Variants in TULP4 observed in about 807,000 individuals in gnomAD.
TULP4 encodes tubby-related protein 4.
In TULP4, 16 loss-of-function variants were observed where a neutral mutation model predicts 129.0. The observed-to-expected ratio is 0.12, with a 90% CI of 0.08 to 0.19. The LOEUF is 0.19. Among genes scored for constraint, TULP4 ranks in the 10% least tolerant of loss-of-function variants. The probability of loss-of-function intolerance (pLI) is 1.00; values close to 1 mark genes in which losing one functional copy is unlikely to be tolerated. For synonymous variants in TULP4, 998 were observed against 854.0 expected (o/e 1.17, Z -2.94); for missense variants, 1,842 against 2,059.1 (o/e 0.89, Z 2.04).
At chr6:158,363,546 C>T (rs1326005433) in intron 1 of TULP4, among the ~76,000 whole-genome samples, 2 of 152,146 alleles carry the variant, frequency 1.3e-5, no homozygotes, top group African/African-American at 4.8e-5. Context: ...TGCAGTGGCA[C>T]GATCTTGGCT....
Position 158,241,255 on chromosome 6 carries a change from T to C in TULP4, n.68+8952T>C, listed in dbSNP as rs1311924527. Among the ~76,000 whole-genome samples the C allele has an allele frequency of 3.3e-5, 4 of 122,612 alleles. 1 individual carries two copies. The highest frequency in any genetic ancestry group is 5.5e-5 in the Non-Finnish European group (3 of 54,500). 80.4% of individuals were successfully genotyped at this position (122,612 alleles called of 152,430 possible). A position where few individuals can be genotyped will look rare whatever the true frequency, so the allele number is the denominator to read the frequency against. ...GCGGCCGGGCGGAGACGCTCCTCAC[T>C]TTCCAGACTGGGCAGCCAGGCAGAG... On this transcript the variant is annotated intron_variant and non_coding_transcript_variant, in intron 1 of 1. Coordinates refer to the TULP4 transcript ENST00000620026.
rs535899926 is a variant in TULP4 at position 158,387,864 on chromosome 6, A to T, written c.253-25201A>T. Among the ~76,000 whole-genome samples the T allele has an allele frequency of 5.9e-5, 9 of 152,304 alleles. No individual in the cohort carries two copies. The East Asian group carries it at 1.2e-3, about 20-fold the overall frequency. On this transcript the variant is annotated intron_variant, in intron 1 of 13. Transcript: ENST00000367097. ...CTGCCTCTTAAGATTATTATCTCTAATTTTTTACATTTCCTCTCTTAATTC... is the reference window on the plus strand; with the variant it reads ...CTGCCTCTTAAGATTATTATCTCTATTTTTTTACATTTCCTCTCTTAATTC...
chr6:158,335,761 C>A (rs1322969303), intron 1 of TULP4, among the ~76,000 whole-genome samples: 1 of 152,170 alleles, frequency 6.6e-6, no homozygotes, highest in East Asian at 1.9e-4. Context: ...TGTGCATCTT[C>A]CTCATTTCTT....
rs376492839 is a variant in TULP4 at position 158,291,996 on chromosome 6, T to G, written n.116+9618T>G. 1.4e-4 allele frequency among the ~76,000 whole-genome samples: 22 copies of G among 152,374 alleles called. 1 individual carries two copies. Among genetic ancestry groups the G allele is most frequent in the African/African-American group, 5.3e-4 (22 of 41,592 alleles). On this transcript the variant is annotated intron_variant and non_coding_transcript_variant, in intron 1 of 1. Transcript: ENST00000432358. Reference sequence around the variant, plus strand: ...TAAATTTGTTGTTTGTACTGAGAACTCATGGTGACTTATTTTGTGTGTTTA... The same window carrying G: ...TAAATTTGTTGTTTGTACTGAGAACGCATGGTGACTTATTTTGTGTGTTTA...
Position 158,461,807 on chromosome 6 carries a change from T to G in TULP4, c.1026+78T>G, listed in dbSNP as rs1779434726. 30 of 1,472,972 alleles carry G rather than the reference T, an allele frequency of 2.0e-5. 1 individual carries two copies. In the South Asian group the frequency reaches 3.9e-4, roughly 19 times the overall value. 91.2% of individuals were successfully genotyped at this position (1,472,972 alleles called of 1,614,324 possible). A position where few individuals can be genotyped will look rare whatever the true frequency, so the allele number is the denominator to read the frequency against. On this transcript the variant is annotated intron_variant, in intron 6 of 13. Transcript: ENST00000367097. ...GGTTATTATAATTATTGTTGACAAA[T>G]TTTATTTTAATCTTTTTTTACCTTA... is the stretch of plus-strand genomic sequence containing the variant.
At position 158,510,843 on chromosome 6, in the gene TULP4, T is replaced by G. The variant is rs17583127; in HGVS notation, c.*4149T>G. On this transcript the variant is annotated 3_prime_UTR_variant, in exon 14 of 14. Coordinates refer to ENST00000367097, the MANE Select transcript of TULP4 (RefSeq NM_020245.5). The stretch of plus-strand genomic sequence containing the variant: ...GAGTGTGCTCTGCCATGTTACACGG[T>G]CTTCAAATTGAAAAGGTTTCTTGAA... The G allele has an allele frequency of 0.042, 6,444 of 152,320 alleles. 166 individuals are homozygous for G. The highest frequency in any genetic ancestry group is 0.079 in the South Asian group (379 of 4,822). The allele number at this position is 152,320 out of a possible 1,614,324, so 9.4% of individuals were successfully genotyped here.
intron 1 of TULP4, among the ~76,000 whole-genome samples, chr6:158,364,681 C>A (rs1461787201): frequency 2.0e-5 from 3 of 152,122 alleles, no homozygotes; most frequent in Non-Finnish European, 4.4e-5. Context: ...TCAAGGTTTT[C>A]TCTTTATCCT....
At chr6:158,275,588 C>T (rs1381764337) in intron 1 of TULP4, among the ~76,000 whole-genome samples, 5 of 152,154 alleles carry the variant, frequency 3.3e-5, no homozygotes, top group African/African-American at 4.8e-5. Context: ...TTGTCACTGT[C>T]CCTAGAGATT....
intron 6 of TULP4, among the ~76,000 whole-genome samples, chr6:158,473,521 T>C (rs1779738510): frequency 6.6e-6 from 1 of 152,216 alleles, no homozygotes; most frequent in South Asian, 2.1e-4. Context: ...TGGTCTGTTT[T>C]TGTTTGTTTG....
At chr6:158,299,052 T>G (rs540640826) in intron 1 of TULP4, among the ~76,000 whole-genome samples, 1 of 152,274 alleles carries the variant, frequency 6.6e-6, no homozygotes, top group East Asian at 1.9e-4. Context: ...CTTCCCATAC[T>G]TGCAGTCTGG....
chr6:158,278,036 G>A (rs1019570535), upstream of TULP4, among the ~76,000 whole-genome samples: 18 of 152,132 alleles, frequency 1.2e-4, no homozygotes, highest in African/African-American at 4.3e-4. Flanking sequence ...GCTTTTGTTG[G>A]GTTCTCTCAG....
intron 1 of TULP4, among the ~76,000 whole-genome samples, chr6:158,297,852 A>C (rs1779060056): frequency 6.6e-6 from 1 of 152,174 alleles, no homozygotes; most frequent in Non-Finnish European, 1.5e-5. Context: ...AACTGGTCTG[A>C]CCACAAATTT....
In TULP4 at chr6:158,511,419, G is replaced by A. The variant is rs765751601; in HGVS notation, c.*4725G>A. On this transcript the variant is annotated 3_prime_UTR_variant, in exon 14 of 14. Transcript: ENST00000367097. ...TTTTTTTTTTTAACCGTAAGTGCAC[G>A]ATGCAGGTGCATAGGCCCCAGACCA... 2.8e-5 allele frequency: 4 copies of A among 144,892 alleles called. No individual in the cohort carries two copies. The highest frequency in any genetic ancestry group is 2.0e-4 in the East Asian group (1 of 4,984). 9.0% of individuals were successfully genotyped at this position (144,892 alleles called of 1,614,324 possible). A position where few individuals can be genotyped will look rare whatever the true frequency, so the allele number is the denominator to read the frequency against.
intron 1 of TULP4, among the ~76,000 whole-genome samples, chr6:158,366,017 C>T (rs1219190724): frequency 1.3e-5 from 2 of 150,160 alleles, no homozygotes; most frequent in African/African-American, 4.9e-5. Flanking sequence ...ATTCTCCTGC[C>T]TCAGCCTCCC....
At chr6:158,402,737 G>A (rs1439489757) in intron 1 of TULP4, among the ~76,000 whole-genome samples, 2 of 152,114 alleles carry the variant, frequency 1.3e-5, no homozygotes, top group Non-Finnish European at 2.9e-5. Context: ...CAAGCCTTAA[G>A]TTTAGAAAGT....
rs1554293006 is a variant in TULP4 at position 158,454,018 on chromosome 6, A to ACC, written c.859+1751_859+1752dup. On this transcript the variant is annotated intron_variant, in intron 5 of 13. Transcript: ENST00000367097. ...TGGCAAGAATCATACCTGCCTCTGC[A>ACC]CCGCCCCCCCCCAAGTAATTACTCT... Among the ~76,000 whole-genome samples the ACC allele has an allele frequency of 6.0e-3, 693 of 114,560 alleles. 26 individuals carry two copies. Among genetic ancestry groups the ACC allele is most frequent in the African/African-American group, 0.017 (492 of 28,336 alleles). The allele number at this position is 114,560 out of a possible 152,430, so 75.2% of individuals were successfully genotyped here. A position where few individuals can be genotyped will look rare whatever the true frequency, so the allele number is the denominator to read the frequency against.
chr6:158,315,438 T>C (rs1362328320), intron 1 of TULP4, among the ~76,000 whole-genome samples: 1 of 152,114 alleles, frequency 6.6e-6, no homozygotes, highest in Non-Finnish European at 1.5e-5. Context: ...AGATTCACCA[T>C]ACAAATTTTG....
chr6:158,272,277 T>C (rs1193667920), intron 1 of TULP4, among the ~76,000 whole-genome samples: 1 of 152,234 alleles, frequency 6.6e-6, no homozygotes, highest in East Asian at 1.9e-4. Context: ...ATCATCAGAT[T>C]CTTTTTATAT....
At chr6:158,366,389 A>C (rs915477575) in intron 1 of TULP4, among the ~76,000 whole-genome samples, 1 of 152,192 alleles carries the variant, frequency 6.6e-6, no homozygotes, top group African/African-American at 2.4e-5. Context: ...TGCCCTTCTC[A>C]GTAGTGAGTA....
Sources: allele counts gnomAD v4.1 joint callset (sites outside exome capture counted in the v4.1 genomes callset), GRCh38; gene constraint gnomAD v4.1.1; transcripts MANE v1.5; gene names NCBI Gene and HGNC (gene_info 2026-07-23, HGNC 2026-07-21).